Variants in TTC7B observed in about 807,000 individuals in gnomAD.
TTC7B encodes the protein tetratricopeptide repeat protein 7B.
Under a neutral mutation model 106.8 loss-of-function variants are expected in TTC7B, and 28 were observed. That is an observed-to-expected ratio of 0.26 (90% CI 0.19 to 0.36). TTC7B has a LOEUF of 0.36. Among genes scored for constraint, TTC7B ranks in the 10% least tolerant of loss-of-function variants. TTC7B has a pLI of 1.00. For synonymous variants in TTC7B, 405 were observed against 430.6 expected, an observed-to-expected ratio of 0.94 and a Z score of 0.74; for missense variants, 862 against 1,076.4, an observed-to-expected ratio of 0.80 and a Z score of 2.79.
chr14:90,657,219 G>A lies in TTC7B; in HGVS notation c.1296C>T (p.Thr432=). ...ECIRLKPDDA[T]IPLLAAKLCM... The stretch of plus-strand genomic sequence containing the variant: ...AGAGCTTGGCAGCGAGGAGAGGGAT[G>A]GTGGCATCGTCTGGCTTCAGGCGGA... Residue 432 remains threonine, a synonymous_variant, in exon 11 of 20, where the codon ACC becomes ACT. Transcript: ENST00000328459. The surrounding 1 kb of genome is among the most constrained non-coding windows in gnomAD (Gnocchi z 4.2). 2.5e-6 allele frequency: 4 copies of A among 1,614,148 alleles called. No homozygotes were observed. The highest frequency in any genetic ancestry group is 2.5e-6 in the Non-Finnish European group (3 of 1,180,030).
At chr14:90,665,434 T>C (rs930379824) in intron 9 of TTC7B, among the ~76,000 whole-genome samples, 1 of 152,238 alleles carries the variant, frequency 6.6e-6, no homozygotes, top group Non-Finnish European at 1.5e-5. Context: ...CAGCCATCTC[T>C]GAGGGGGCTC....
chr14:90,791,530 G>T (rs12894656), intron 1 of TTC7B, among the ~76,000 whole-genome samples: 1 of 151,990 alleles, frequency 6.6e-6, no homozygotes, highest in African/African-American at 2.4e-5. Flanking sequence ...AGAGCACGCG[G>T]CTGCCCAGTT....
At chr14:90,784,055 G>A (rs189329160) in intron 2 of TTC7B, among the ~76,000 whole-genome samples, 2,314 of 152,114 alleles carry the variant, frequency 0.015, 41 homozygotes, top group Middle Eastern at 0.024. Context: ...GAAGTTGGGG[G>A]GCGGGTAGAC....
chr14:90,766,134 C>G (rs976285266), intron 3 of TTC7B, among the ~76,000 whole-genome samples: 1 of 105,978 alleles, frequency 9.4e-6, no homozygotes, highest in East Asian at 2.9e-4. Context: ...CAGCCTACAA[C>G]GTTTTTTTTT....
At chr14:90,547,805 G>A (rs533615000) in intron 19 of TTC7B, among the ~76,000 whole-genome samples, 1 of 152,162 alleles carries the variant, frequency 6.6e-6, no homozygotes, top group South Asian at 2.1e-4. Context: ...AGCTCTTTTG[G>A]GAGATTTTGG....
chr14:90,607,526 C>G (rs766000654), intron 17 of TTC7B, among the ~76,000 whole-genome samples: 2 of 152,218 alleles, frequency 1.3e-5, no homozygotes, highest in Non-Finnish European at 2.9e-5. Context: ...ATTCTGATCT[C>G]GGATAAGTTC....
chr14:90,581,964 T>C (rs1891514867), intron 18 of TTC7B, among the ~76,000 whole-genome samples: 1 of 152,144 alleles, frequency 6.6e-6, no homozygotes, highest in Non-Finnish European at 1.5e-5. Flanking sequence ...TTCAGTGCTG[T>C]GGAAGTTGCT....
chr14:90,578,977 G>A lies in TTC7B; in HGVS notation c.2108-669C>T, dbSNP rs1038608066. On this transcript the variant is annotated intron_variant, in intron 18 of 19. Coordinates refer to ENST00000328459, the MANE Select transcript of TTC7B (RefSeq NM_001010854.2). The surrounding 1 kb of genome is among the most constrained non-coding windows in gnomAD (Gnocchi z 4.7). ...CAAGCAGGAAAATGACCCTGCTACC[G>A]ATCCAGGCCTCAACTCTCTCACCTC... 1.3e-5 allele frequency among the ~76,000 whole-genome samples: 2 copies of A among 152,176 alleles called. No homozygotes were observed. Among genetic ancestry groups the A allele is most frequent in the Non-Finnish European group, 1.5e-5 (1 of 68,026 alleles).
chr14:90,603,194 T>G (rs1214746943), intron 17 of TTC7B: 1 of 1,107,248 alleles, frequency 9.0e-7, no homozygotes, highest in East Asian at 5.8e-5. Flanking sequence ...CATTCCGTGG[T>G]GGGGGGAGTG....
intron 1 of TTC7B, among the ~76,000 whole-genome samples, chr14:90,815,069 A>C (rs778726336): frequency 2.0e-5 from 3 of 152,188 alleles, no homozygotes; most frequent in Admixed American, 6.5e-5. Context: ...AGAAGGTTGA[A>C]AATAGTGCAG....
At chr14:90,687,676 T>C (rs902365970) in intron 7 of TTC7B, among the ~76,000 whole-genome samples, 3 of 152,082 alleles carry the variant, frequency 2.0e-5, no homozygotes, top group Admixed American at 1.3e-4. Context: ...ATTTTAAAAA[T>C]AAGAGCATTG....
At chr14:90,665,778 T>C (rs1359668271) in intron 9 of TTC7B, among the ~76,000 whole-genome samples, 1 of 152,376 alleles carries the variant, frequency 6.6e-6, no homozygotes, top group Middle Eastern at 3.4e-3. Flanking sequence ...AAAGTTCTTA[T>C]GACATAGATC....
chr14:90,686,338 G>T (rs927588582), intron 7 of TTC7B, among the ~76,000 whole-genome samples: 1 of 152,126 alleles, frequency 6.6e-6, no homozygotes, highest in African/African-American at 2.4e-5. Flanking sequence ...ACCTGATGAA[G>T]GGCATCTATA....
chr14:90,791,605 G>C (rs762720060), intron 1 of TTC7B, among the ~76,000 whole-genome samples: 2 of 152,152 alleles, frequency 1.3e-5, no homozygotes, highest in Non-Finnish European at 2.9e-5. Context: ...TATGACGATG[G>C]GATGGGAGCA....
intron 18 of TTC7B, among the ~76,000 whole-genome samples, chr14:90,586,707 A>G (rs1322891377): frequency 6.6e-6 from 1 of 152,158 alleles, no homozygotes; most frequent in African/African-American, 2.4e-5. Flanking sequence ...TCTTAAAGGT[A>G]TGTTTCCAGC....
At chr14:90,767,840 G>T (rs756117885) in intron 3 of TTC7B, among the ~76,000 whole-genome samples, 3 of 152,186 alleles carry the variant, frequency 2.0e-5, no homozygotes, top group Non-Finnish European at 4.4e-5. Flanking sequence ...AGAGAAAGGA[G>T]CAGAGAGGAT....
At chr14:90,796,265 G>A (rs920376314) in intron 1 of TTC7B, among the ~76,000 whole-genome samples, 1 of 152,154 alleles carries the variant, frequency 6.6e-6, no homozygotes, top group African/African-American at 2.4e-5. Flanking sequence ...GGCTGGCTTC[G>A]CTTTTCTCTT....
At chr14:90,576,210 G>C (rs1891258228) in intron 19 of TTC7B, among the ~76,000 whole-genome samples, 1 of 152,096 alleles carries the variant, frequency 6.6e-6, no homozygotes, top group South Asian at 2.1e-4. Flanking sequence ...GAAACATGCA[G>C]CCTCTTTTTA....
At chr14:90,751,440 G>A (rs1595347950) in intron 3 of TTC7B, among the ~76,000 whole-genome samples, 1 of 152,116 alleles carries the variant, frequency 6.6e-6, no homozygotes, top group East Asian at 1.9e-4. Flanking sequence ...TGTCTACCAG[G>A]CTGCAGTACA....
Sources: gnomAD v4.1 joint callset for allele counts (sites outside exome capture counted in the v4.1 genomes callset) on GRCh38, gnomAD v4.1.1 for gene constraint, Gnocchi (gnomAD v3.1) non-coding constraint, MANE v1.5 for transcripts, NCBI Gene and HGNC (gene_info 2026-07-23, HGNC 2026-07-21) for gene names.